TDRP: variants seen among roughly 807,000 people sequenced by gnomAD.
TDRP encodes testis development related protein.
Under a neutral mutation model 10.5 loss-of-function variants are expected in TDRP, and 12 were observed. The ratio of observed to expected loss-of-function variants is 1.15; its 90% CI spans 0.73 to 1.86. The LOEUF (loss-of-function observed/expected upper bound fraction) is 1.86, where lower values mean the gene tolerates loss of function less well. TDRP is among the 40% of genes most tolerant of loss of function. TDRP has a pLI of 0.00. For missense variants in TDRP, 353 were observed against 229.2 expected (o/e 1.54, Z -3.49); for synonymous variants, 139 against 95.4 (o/e 1.46, Z -2.67).
intron 1 of TDRP, among the ~76,000 whole-genome samples, chr8:498,230 A>G (rs1801186885): frequency 6.6e-6 from 1 of 152,184 alleles, no homozygotes. Context: ...CAGGCACTCA[A>G]TGCCAGCCCA....
chr8:505,493 C>A (rs138254547), intron 1 of TDRP, among the ~76,000 whole-genome samples: 2 of 152,164 alleles, frequency 1.3e-5, no homozygotes, highest in Admixed American at 1.3e-4. Flanking sequence ...TACTGCGAAC[C>A]GAAATCCAGA....
At chr8:542,562 A>G (rs1177812915) in intron 1 of TDRP, among the ~76,000 whole-genome samples, 1 of 152,110 alleles carries the variant, frequency 6.6e-6, no homozygotes, top group Non-Finnish European at 1.5e-5. Flanking sequence ...ACCAACACAC[A>G]CTTTAGATGT....
At chr8:539,109 C>G (rs948516150) in intron 1 of TDRP, among the ~76,000 whole-genome samples, 1 of 152,176 alleles carries the variant, frequency 6.6e-6, no homozygotes. Context: ...TGTATATCCA[C>G]GTAAGGAAAT....
In TDRP at chr8:494,612, A is replaced by G. The variant is rs765877708; in HGVS notation, c.109-15T>C. On this transcript the variant is annotated splice_polypyrimidine_tract_variant and intron_variant, in intron 1 of 2. Coordinates refer to ENST00000324079, the MANE Select transcript of TDRP (RefSeq NM_001384899.1). ...GCTCCCTGAACCTAATAAAAGGTTA[A>G]GAAAAATGTCAAATCTGATGTCATG... 1.2e-5 allele frequency: 19 copies of G among 1,609,044 alleles called. No individual in the cohort carries two copies. The highest frequency in any genetic ancestry group is 8.5e-7 in the Non-Finnish European group (1 of 1,175,946).
At chr8:500,357 T>C (rs545209008) in intron 1 of TDRP, among the ~76,000 whole-genome samples, 10 of 152,304 alleles carry the variant, frequency 6.6e-5, no homozygotes, top group Admixed American at 6.5e-4. Flanking sequence ...TGGCATTGAA[T>C]ACACAGGGAG....
At chr8:506,701 T>C in intron 1 of TDRP, among the ~76,000 whole-genome samples, 1 of 152,158 alleles carries the variant, frequency 6.6e-6, no homozygotes, top group Non-Finnish European at 1.5e-5. Flanking sequence ...CTTGCCTTTG[T>C]CCCCATCCCC....
chr8:539,664 C>G (rs940771429), intron 1 of TDRP, among the ~76,000 whole-genome samples: 14 of 152,194 alleles, frequency 9.2e-5, no homozygotes, highest in Admixed American at 9.2e-4. Flanking sequence ...GTTAGCTATA[C>G]AAGCAGGGAG....
chr8:530,052 C>G, intron 1 of TDRP, among the ~76,000 whole-genome samples: 2 of 146,242 alleles, frequency 1.4e-5, no homozygotes, highest in South Asian at 4.2e-4. Flanking sequence ...TTAGGCTTTA[C>G]TTTTCATTTT....
At chr8:517,565 GA>G (rs750484362) in intron 1 of TDRP, among the ~76,000 whole-genome samples, 5 of 152,080 alleles carry the variant, frequency 3.3e-5, no homozygotes, top group African/African-American at 4.8e-5. Context: ...TGCCAATCAG[GA>G]AATCTTTAAA....
intron 2 of TDRP, among the ~76,000 whole-genome samples, chr8:493,308 A>G (rs1411262406): frequency 6.6e-6 from 1 of 152,246 alleles, no homozygotes; most frequent in East Asian, 1.9e-4. Flanking sequence ...TCACCTGGGA[A>G]CATTGTTAAG....
intron 1 of TDRP, among the ~76,000 whole-genome samples, chr8:512,011 G>C (rs769793436): frequency 2.0e-5 from 3 of 151,756 alleles, no homozygotes; most frequent in Admixed American, 1.3e-4. Context: ...AGTGGAAAAA[G>C]AGCAAACTAA....
rs909421641 is a variant in TDRP at position 544,767 on chromosome 8, G to A, written c.-10C>T. 8.1e-7 allele frequency: 1 copy of A among 1,233,352 alleles called. No individual in the cohort carries two copies. The highest frequency in any genetic ancestry group is 1.0e-6 in the Non-Finnish European group (1 of 986,536). The allele number at this position is 1,233,352 out of a possible 1,614,324, so 76.4% of individuals were successfully genotyped here. A position where few individuals can be genotyped will look rare whatever the true frequency, so the allele number is the denominator to read the frequency against. ...GGCCCAGCTTCCACATGGTCAGGCG[G>A]GCTCCGGCGTCCCTCCGTCCGTGCG... is the stretch of plus-strand genomic sequence containing the variant. On this transcript the variant is annotated 5_prime_UTR_variant, in exon 1 of 3. Coordinates refer to ENST00000324079, the MANE Select transcript of TDRP (RefSeq NM_001384899.1).
Position 525,418 on chromosome 8 carries a change from T to C in TDRP, c.108+19232A>G, listed in dbSNP as rs777904256. Among the ~76,000 whole-genome samples, 31 of 152,306 alleles carry C rather than the reference T, an allele frequency of 2.0e-4. 1 individual carries two copies. Among genetic ancestry groups the C allele is most frequent in the Non-Finnish European group, 4.4e-4 (30 of 68,026 alleles). ...AAGTACATAGAAAAACAGAATATTA[T>C]AACACTGTATTATACTGTTAAAGTA... is the stretch of plus-strand genomic sequence containing the variant. On this transcript the variant is annotated intron_variant, in intron 1 of 2. Coordinates refer to ENST00000324079, the MANE Select transcript of TDRP (RefSeq NM_001384899.1).
chr8:544,967 C>A (rs987854636), upstream of TDRP: 4 of 341,374 alleles, frequency 1.2e-5, no homozygotes, highest in Non-Finnish European at 1.6e-5. Context: ...GGCCCGCCCC[C>A]AAACCATCCC....
At chr8:508,183 GAACC>G (rs1801516024) in intron 1 of TDRP, among the ~76,000 whole-genome samples, 1 of 152,100 alleles carries the variant, frequency 6.6e-6, no homozygotes, top group Non-Finnish European at 1.5e-5. Context: ...TTATCAAAAA[GAACC>G]AACTGGAATT....
Position 492,734 on chromosome 8 carries a change from G to A in TDRP, c.223C>T (p.Arg75Ter), listed in dbSNP as rs770174524. The part of the protein sequence containing the change: ...KSPKSKGTNL[R>*]LKEELKAEKK... ...TCTGCCTTCAACTCTTCTTTTAATCGTAAGTTAGTTCTATAGGAGATGAAA... is the reference window on the plus strand; with the variant it reads ...TCTGCCTTCAACTCTTCTTTTAATCATAAGTTAGTTCTATAGGAGATGAAA... Residue 75 changes from arginine to a stop codon, truncating the protein, a stop_gained, in exon 3 of 3, where the codon CGA (arginine) becomes TGA (stop). Transcript: ENST00000324079. LOFTEE classifies it low-confidence loss of function (END_TRUNC). 1.2e-5 allele frequency: 20 copies of A among 1,610,396 alleles called. No individual in the cohort carries two copies. The highest frequency in any genetic ancestry group is 1.6e-5 in the Non-Finnish European group (19 of 1,178,070).
intron 1 of TDRP, among the ~76,000 whole-genome samples, chr8:496,585 T>C (rs1327053806): frequency 1.3e-5 from 2 of 152,206 alleles, no homozygotes; most frequent in African/African-American, 4.8e-5. Context: ...CCAGGCCTGC[T>C]GTGTCCCAAC....
At chr8:538,436 C>G (rs1802405973) in intron 1 of TDRP, among the ~76,000 whole-genome samples, 1 of 152,206 alleles carries the variant, frequency 6.6e-6, no homozygotes, top group Non-Finnish European at 1.5e-5. Flanking sequence ...GCCCATGTGT[C>G]AGATGGTGGC....
chr8:539,217 T>A lies in TDRP; in HGVS notation c.108+5433A>T, dbSNP rs139289749. Among the ~76,000 whole-genome samples the A allele has an allele frequency of 1.1e-3, 166 of 152,234 alleles. 1 individual carries two copies. Among genetic ancestry groups the A allele is most frequent in the Non-Finnish European group, 2.1e-3 (141 of 68,004 alleles). ...TATGTAAGAGGTGATCAGGGTGAGATGGGAGTCACGAGGGTGGGGCCGGCA... is the reference window on the plus strand; with the variant it reads ...TATGTAAGAGGTGATCAGGGTGAGAAGGGAGTCACGAGGGTGGGGCCGGCA... On this transcript the variant is annotated intron_variant, in intron 1 of 2. Transcript: ENST00000324079.
Sources: allele counts gnomAD v4.1 joint callset (sites outside exome capture counted in the v4.1 genomes callset), GRCh38; gene constraint gnomAD v4.1.1; transcripts MANE v1.5; gene names NCBI Gene and HGNC (gene_info 2026-07-23, HGNC 2026-07-21).